MYO18B: variants seen among roughly 807,000 people sequenced by gnomAD.
MYO18B encodes the protein unconventional myosin-XVIIIb.
Under a neutral mutation model 273.0 loss-of-function variants are expected in MYO18B, and 204 were observed. That is an observed-to-expected ratio of 0.75 (90% CI 0.67 to 0.84). MYO18B has a LOEUF of 0.84. Among genes scored for constraint, MYO18B ranks in the 40% least tolerant of loss-of-function variants. MYO18B has a pLI of 0.00. For missense variants in MYO18B, 3,212 were observed against 3,287.6 expected, an observed-to-expected ratio of 0.98 and a Z score of 0.56; for synonymous variants, 1,330 against 1,305.7, an observed-to-expected ratio of 1.02 and a Z score of -0.40.
chr22:25,966,927 T>G (rs2092985753), intron 39 of MYO18B, among the ~76,000 whole-genome samples: 1 of 152,246 alleles, frequency 6.6e-6, no homozygotes, highest in South Asian at 2.1e-4. Context: ...GGCTCTGAGA[T>G]GAGTTATCCT....
intron 41 of MYO18B, 67 bp from the exon 42 acceptor site, chr22:26,004,651 G>A: frequency 5.7e-6 from 9 of 1,582,544 alleles, no homozygotes; most frequent in Middle Eastern, 1.7e-4. Context: ...TGCTATGGGT[G>A]AATATCTAAT....
intron 33 of MYO18B, among the ~76,000 whole-genome samples, chr22:25,913,321 A>G (rs1041708851): frequency 6.6e-6 from 1 of 152,156 alleles, no homozygotes; most frequent in African/African-American, 2.4e-5. Context: ...GTGGCCCTCC[A>G]CAGGGATGCT....
rs532589500 is a variant in MYO18B, at chr22:26,027,575, C to T, written c.7601C>T (p.Ala2534Val). 1.9e-5 allele frequency: 31 copies of T among 1,613,918 alleles called. No homozygotes were observed. Among genetic ancestry groups the T allele is most frequent in the South Asian group, 9.9e-5 (9 of 91,060 alleles). ...AGTCGACCAGGAATCCCACGACTTG[C>T]GGGTGACGGTGGCGAGCGAACGTCC... ...IKSRPGIPRL[A>V]GDGGERTSPE... The change falls in exon 43 of 44, where the codon GCG becomes GTG. Residue 2534 changes from alanine to valine, a missense_variant. Ala to Val is a moderately conservative substitution (Grantham distance 64). Transcript: ENST00000335473. This position sits in a 1 kb window ranked among gnomAD's most constrained non-coding sequence, Gnocchi z 4.1.
chr22:25,752,389 G>A (rs964114361), intron 1 of MYO18B, among the ~76,000 whole-genome samples: 3 of 151,128 alleles, frequency 2.0e-5, no homozygotes, highest in East Asian at 1.9e-4. Context: ...GGGTTTCACC[G>A]TTTTAGCCGG....
At chr22:25,827,546 T>A (rs985422846) in intron 14 of MYO18B, among the ~76,000 whole-genome samples, 15 of 152,230 alleles carry the variant, frequency 9.9e-5, no homozygotes, top group African/African-American at 3.4e-4. Context: ...GCCTTCCTCC[T>A]CTGTGAAAGC....
At chr22:25,948,407 TTTCCTTCC>T (rs59622689) in intron 36 of MYO18B, among the ~76,000 whole-genome samples, 22,376 of 117,594 alleles carry the variant, frequency 0.19, 2,282 homozygotes, top group Middle Eastern at 0.28. Flanking sequence ...TTTTCCTGTC[TTTCCTTCC>T]TTCCTTCCTT....
At position 25,769,566 on chromosome 22, in the gene MYO18B, C is replaced by A; in HGVS notation, c.1512+138C>A. On this transcript the variant is annotated intron_variant, in intron 4 of 43. Coordinates refer to ENST00000335473, the MANE Select transcript of MYO18B (RefSeq NM_032608.7). ...GGGAATTGGAGAGGGGTGGCTGGAA[C>A]TGCAAGGCACCCAGAGGAGGGGACG... 3.9e-6 allele frequency: 3 copies of A among 765,630 alleles called. No individual in the cohort carries two copies. The South Asian group carries it at 5.9e-5, about 15-fold the overall frequency. The allele number at this position is 765,630 out of a possible 1,614,324, so 47.4% of individuals were successfully genotyped here. A position where few individuals can be genotyped will look rare whatever the true frequency, so the allele number is the denominator to read the frequency against.
intron 21 of MYO18B, among the ~76,000 whole-genome samples, chr22:25,860,227 C>T (rs1006474300): frequency 2.4e-4 from 36 of 152,112 alleles, no homozygotes; most frequent in Admixed American, 7.9e-4. Context: ...TTCTTTCTGC[C>T]TCTTTATTCC....
In MYO18B at chr22:26,027,136, G is replaced by A. The variant is rs760434697; in HGVS notation, c.7162G>A (p.Glu2388Lys). Residue 2388 changes from glutamate to lysine, a missense_variant, in exon 43 of 44, where the codon GAG becomes AAG. Transcript: ENST00000335473. The surrounding 1 kb of genome is among the most constrained non-coding windows in gnomAD (Gnocchi z 4.1). ...ACTGCGTCCTCGGAGGCGGTGTCTG[G>A]AGTCCTCTGTGGACGATGCGGGCTG... ...PTLRPRRRCL[E>K]SSVDDAGCPD... The A allele has an allele frequency of 2.5e-6, 4 of 1,613,854 alleles. No individual in the cohort carries two copies. The African/African-American group carries it at 5.3e-5, about 22-fold the overall frequency.
At chr22:25,904,340 C>A (rs1218285329) in intron 31 of MYO18B, among the ~76,000 whole-genome samples, 1 of 152,164 alleles carries the variant, frequency 6.6e-6, no homozygotes, top group Non-Finnish European at 1.5e-5. Context: ...TGTCTGTATA[C>A]TAACCTCAGC....
chr22:26,001,336 T>C (rs1933932189), intron 40 of MYO18B, among the ~76,000 whole-genome samples: 1 of 152,120 alleles, frequency 6.6e-6, no homozygotes, highest in Non-Finnish European at 1.5e-5. Flanking sequence ...AGCTCCAAGG[T>C]ATAGATGGCG....
chr22:25,845,954 A>G (rs2090228180), intron 18 of MYO18B, 146 bp from the exon 19 acceptor site: 4 of 659,576 alleles, frequency 6.1e-6, no homozygotes, highest in Non-Finnish European at 9.5e-6. Flanking sequence ...AATGAAGGGG[A>G]GCAGCTGGGA....
At chr22:25,819,670 A>G (rs1357709788) in intron 12 of MYO18B, among the ~76,000 whole-genome samples, 2 of 152,184 alleles carry the variant, frequency 1.3e-5, no homozygotes, top group Non-Finnish European at 2.9e-5. Context: ...TAGTGTGATA[A>G]TATTTCTGTT....
intron 36 of MYO18B, 104 bp downstream of exon 36, chr22:25,947,932 C>G (rs1373948288): frequency 2.5e-6 from 2 of 791,748 alleles, no homozygotes; most frequent in African/African-American, 3.4e-5. Context: ...GTCTTAACAT[C>G]TTGGAGGGAT....
intron 18 of MYO18B, among the ~76,000 whole-genome samples, chr22:25,845,010 A>T (rs1263258216): frequency 2.0e-5 from 3 of 152,140 alleles, no homozygotes; most frequent in East Asian, 3.9e-4. Context: ...GGACAGGAAG[A>T]TGTTCAGATT....
intron 33 of MYO18B, among the ~76,000 whole-genome samples, chr22:25,913,903 A>T (rs1310361480): frequency 6.6e-6 from 1 of 152,208 alleles, no homozygotes; most frequent in Non-Finnish European, 1.5e-5. Flanking sequence ...GCGCTTTTAT[A>T]TCTTAAGATA....
intron 19 of MYO18B, 61 bp from the exon 20 acceptor site, chr22:25,847,369 C>T: frequency 2.8e-6 from 4 of 1,439,548 alleles, no homozygotes; most frequent in Non-Finnish European, 3.8e-6. Context: ...TGGAGAGGGT[C>T]CAGTCCCCTT....
chr22:25,940,366 C>T (rs2055940920), intron 34 of MYO18B, among the ~76,000 whole-genome samples: 1 of 152,204 alleles, frequency 6.6e-6, no homozygotes, highest in African/African-American at 2.4e-5. Flanking sequence ...TTTGCTTCTC[C>T]TTTGCCTTCT....
intron 39 of MYO18B, among the ~76,000 whole-genome samples, chr22:25,969,013 A>G (rs1311744418): frequency 6.6e-6 from 1 of 152,082 alleles, no homozygotes; most frequent in Non-Finnish European, 1.5e-5. Context: ...CTTCATTCCA[A>G]CTGGTATCTT....
Sources: gnomAD v4.1 joint callset for allele counts (sites outside exome capture counted in the v4.1 genomes callset) on GRCh38, gnomAD v4.1.1 for gene constraint, Gnocchi (gnomAD v3.1) non-coding constraint, MANE v1.5 for transcripts, NCBI Gene and HGNC (gene_info 2026-07-23, HGNC 2026-07-21) for gene names.